The following FBXO30 variants were observed in gnomAD, a reference collection of about 807,000 sequenced individuals.
FBXO30 encodes F-box only protein 30.
FBXO30 carries 21 observed loss-of-function variants against 58.1 expected under a neutral mutation model. The observed-to-expected ratio is 0.36, with a 90% CI of 0.26 to 0.52. The LOEUF is 0.52. Among genes scored for constraint, FBXO30 ranks in the 20% least tolerant of loss-of-function variants. The probability of loss-of-function intolerance (pLI) is 0.93; values close to 1 mark genes in which losing one functional copy is unlikely to be tolerated. For synonymous variants in FBXO30, 309 were observed against 312.4 expected (o/e 0.99, Z 0.11); for missense variants, 744 against 897.3 (o/e 0.83, Z 2.18).
intron 1 of FBXO30, among the ~76,000 whole-genome samples, chr6:145,806,903 C>A (rs1778189395): frequency 6.6e-6 from 1 of 152,052 alleles, no homozygotes; most frequent in Admixed American, 6.5e-5. Context: ...TCTTAGAAGT[C>A]TTTTTTTATT....
In FBXO30 at chr6:145,804,894, T is replaced by C; in HGVS notation, c.1512A>G (p.Val504=). Residue 504 remains valine, a synonymous_variant, in exon 2 of 3, where the codon GTA becomes GTG. Transcript: ENST00000237281. ...SPFQTLGLDL[V]LECVARYQPK... Reference sequence around the variant, plus strand: ...GTTGGTACCTAGCGACACATTCCAATACTAAATCCAGCCCAAGTGTCTGAA... The same window carrying C: ...GTTGGTACCTAGCGACACATTCCAACACTAAATCCAGCCCAAGTGTCTGAA... 2 of 1,613,868 alleles carry C rather than the reference T, an allele frequency of 1.2e-6. No individual in the cohort carries two copies. Among genetic ancestry groups the C allele is most frequent in the Non-Finnish European group, 1.7e-6 (2 of 1,179,902 alleles).
intron 1 of FBXO30, among the ~76,000 whole-genome samples, chr6:145,812,978 G>T (rs572731158): frequency 1.3e-5 from 2 of 152,178 alleles, no homozygotes; most frequent in South Asian, 2.1e-4. Flanking sequence ...GCAGTCTTAG[G>T]AACTGAATTA....
chr6:145,800,831 C>G (rs1333853104), intron 2 of FBXO30, among the ~76,000 whole-genome samples: 2 of 152,176 alleles, frequency 1.3e-5, no homozygotes, highest in East Asian at 3.9e-4. Context: ...CCGCTGTTCA[C>G]AAGTACTAAA....
chr6:145,798,625 A>G lies in FBXO30; in HGVS notation c.*1481T>C, dbSNP rs1362705857. Reference sequence around the variant, plus strand: ...TTAAAATGACTGGTGAGGCAAAACAATTGATTAGTCTTTAATGCTCTGTTT... The same window carrying G: ...TTAAAATGACTGGTGAGGCAAAACAGTTGATTAGTCTTTAATGCTCTGTTT... On this transcript the variant is annotated 3_prime_UTR_variant, in exon 3 of 3. Coordinates refer to ENST00000237281, the MANE Select transcript of FBXO30 (RefSeq NM_032145.5). The G allele has an allele frequency of 6.6e-6, 1 of 152,492 alleles. No homozygotes were observed. The highest frequency in any genetic ancestry group is 1.9e-4 in the East Asian group (1 of 5,192). The allele number at this position is 152,492 out of a possible 1,614,324, so 9.4% of individuals were successfully genotyped here. A position where few individuals can be genotyped will look rare whatever the true frequency, so the allele number is the denominator to read the frequency against.
At position 145,795,408 on chromosome 6, in the gene FBXO30, C is replaced by T. The variant is rs1466585650; in HGVS notation, c.*4698G>A. ...CTAGCTACATATTGAAGAACCATTC[C>T]CTAGTATTTGCATGCAAATGGGTTA... On this transcript the variant is annotated 3_prime_UTR_variant, in exon 3 of 3. Coordinates refer to ENST00000237281, the MANE Select transcript of FBXO30 (RefSeq NM_032145.5). 1 of 151,730 alleles carries T rather than the reference C, an allele frequency of 6.6e-6. No homozygotes were observed. The highest frequency in any genetic ancestry group is 2.4e-5 in the African/African-American group (1 of 41,370). 9.4% of individuals were successfully genotyped at this position (151,730 alleles called of 1,614,324 possible). A position where few individuals can be genotyped will look rare whatever the true frequency, so the allele number is the denominator to read the frequency against.
rs914758314 is a variant in FBXO30, at chr6:145,795,871, A to G, written c.*4235T>C. 2 of 151,894 alleles carry G rather than the reference A, an allele frequency of 1.3e-5. No individual in the cohort carries two copies. Among genetic ancestry groups the G allele is most frequent in the Admixed American group, 6.6e-5 (1 of 15,224 alleles). The allele number at this position is 151,894 out of a possible 1,614,324, so 9.4% of individuals were successfully genotyped here. A position where few individuals can be genotyped will look rare whatever the true frequency, so the allele number is the denominator to read the frequency against. ...AAAAAGTTTAATCATAGATGCAATAACCTACTTGTAAAATTCAGCAAGAGG... is the reference window on the plus strand; with the variant it reads ...AAAAAGTTTAATCATAGATGCAATAGCCTACTTGTAAAATTCAGCAAGAGG... On this transcript the variant is annotated 3_prime_UTR_variant, in exon 3 of 3. Coordinates refer to ENST00000237281, the MANE Select transcript of FBXO30 (RefSeq NM_032145.5).
chr6:145,798,514 G>A lies in FBXO30; in HGVS notation c.*1592C>T. The A allele has an allele frequency of 6.6e-6, 1 of 152,498 alleles. No homozygotes were observed. The highest frequency in any genetic ancestry group is 2.1e-4 in the South Asian group (1 of 4,824). 9.4% of individuals were successfully genotyped at this position (152,498 alleles called of 1,614,324 possible). A position where few individuals can be genotyped will look rare whatever the true frequency, so the allele number is the denominator to read the frequency against. On this transcript the variant is annotated 3_prime_UTR_variant, in exon 3 of 3. Coordinates refer to ENST00000237281, the MANE Select transcript of FBXO30 (RefSeq NM_032145.5). ...TGGTATTTAATATCTCTTTTCTGTT[G>A]TTTTTTCCACAGAAATAGAGACTGT...
chr6:145,800,177 A>G lies in FBXO30; in HGVS notation c.2167T>C (p.Cys723Arg), dbSNP rs1777953218. Residue 723 changes from cysteine to arginine, a missense_variant, in exon 3 of 3, where the codon TGT becomes CGT. Cys to Arg is a radical substitution (Grantham distance 180). Around this residue, in one of 3 missense-constraint regions of FBXO30, gnomAD observed 334 missense variants for 433.7 expected, o/e 0.77. Coordinates refer to ENST00000237281, the MANE Select transcript of FBXO30 (RefSeq NM_032145.5). The part of the protein sequence containing the change: ...EKREEAIPLP[C>R]MCVTRELTKE... ...GTGAGTTCTCGTGTCACACACATAC[A>G]TGGCAAAGGGATTGCTTCCTCCCGT... 6.2e-7 allele frequency: 1 copy of G among 1,613,194 alleles called. No homozygotes were observed. Among genetic ancestry groups the G allele is most frequent in the Non-Finnish European group, 8.5e-7 (1 of 1,179,374 alleles).
chr6:145,800,363 A>G, intron 2 of FBXO30, 54 bp from the exon 3 acceptor site: 1 of 1,497,888 alleles, frequency 6.7e-7, no homozygotes, highest in Non-Finnish European at 9.2e-7. Context: ...GAGAATCAAA[A>G]CACACTTTTT....
intron 2 of FBXO30, among the ~76,000 whole-genome samples, chr6:145,803,492 C>G (rs1043518217): frequency 6.6e-6 from 1 of 152,022 alleles, no homozygotes; most frequent in African/African-American, 2.4e-5. Context: ...TGCTGTGCAA[C>G]TAAATGTAAA....
At chr6:145,801,039 G>C (rs1050887271) in intron 2 of FBXO30, among the ~76,000 whole-genome samples, 2 of 152,014 alleles carry the variant, frequency 1.3e-5, no homozygotes, top group South Asian at 4.1e-4. Flanking sequence ...CCACCCAACT[G>C]CTCTAAGCCC....
At chr6:145,806,771 CAG>C (rs1174408172) in intron 1 of FBXO30, among the ~76,000 whole-genome samples, 1 of 152,136 alleles carries the variant, frequency 6.6e-6, no homozygotes, top group African/African-American at 2.4e-5. Context: ...TTTTAGATTT[CAG>C]AGTGTTTTTC....
At chr6:145,812,966 A>C (rs975339449) in intron 1 of FBXO30, among the ~76,000 whole-genome samples, 3 of 152,192 alleles carry the variant, frequency 2.0e-5, no homozygotes, top group Non-Finnish European at 4.4e-5. Flanking sequence ...TCTATCAAAT[A>C]AGCAGTCTTA....
Position 145,806,124 on chromosome 6 carries a change from C to T in FBXO30, c.282G>A (p.Trp94Ter). 1 of 1,614,080 alleles carries T rather than the reference C, an allele frequency of 6.2e-7. No individual in the cohort carries two copies. The highest frequency in any genetic ancestry group is 1.3e-5 in the African/African-American group (1 of 75,004). ...PASVVCCTME[W>*]NRWPVSYADR... Reference sequence around the variant, plus strand: ...CTGCATAACTAACTGGCCATCGATTCCATTCCATAGTACAGCACACCACAC... The same window carrying T: ...CTGCATAACTAACTGGCCATCGATTTCATTCCATAGTACAGCACACCACAC... Residue 94 changes from tryptophan (W) to a stop codon, truncating the protein, a stop_gained, in exon 2 of 3, where the codon TGG becomes TGA. Transcript: ENST00000237281. LOFTEE classifies it high-confidence loss of function.
At chr6:145,803,514 T>C (rs1259223913) in intron 2 of FBXO30, among the ~76,000 whole-genome samples, 3 of 152,148 alleles carry the variant, frequency 2.0e-5, no homozygotes, top group African/African-American at 4.8e-5. Flanking sequence ...TTTATCACAA[T>C]TGTTTCCACT....
Position 145,805,310 on chromosome 6 carries a change from A to G in FBXO30, c.1096T>C (p.Cys366Arg), listed in dbSNP as rs767896439. The change falls in exon 2 of 3, where the codon TGT (cysteine) becomes CGT (arginine). Residue 366 changes from cysteine (C) to arginine (R), a missense_variant. Cys to Arg is a radical substitution (Grantham distance 180). Around this residue, in one of 3 missense-constraint regions of FBXO30, gnomAD observed 275 missense variants for 262.0 expected, o/e 1.05. Transcript: ENST00000237281. The part of the protein sequence containing the change: ...MPDDEGEGEL[C>R]WKKVDLGDVK... ...TCCCCTAAGTCTACTTTTTTCCAAC[A>G]CAATTCACCTTCACCTTCATCATCT... The G allele has an allele frequency of 3.7e-6, 6 of 1,614,090 alleles. No homozygotes were observed. In the Admixed American group the frequency reaches 1.0e-4, roughly 27 times the overall value.
Position 145,804,824 on chromosome 6 carries a change from T to G in FBXO30, c.1582A>C (p.Arg528=). Residue 528 remains arginine (R), a synonymous_variant, in exon 2 of 3, where the codon AGA becomes CGA. Coordinates refer to ENST00000237281, the MANE Select transcript of FBXO30 (RefSeq NM_032145.5). The part of the protein sequence containing the change: ...MFTFVCGQLF[R]RKEFSSHFKN... ...AAGTGGGAAGAAAATTCTTTCCTTCTAAATAACTGTCCACACACAAAGGTA... is the reference window on the plus strand; with the variant it reads ...AAGTGGGAAGAAAATTCTTTCCTTCGAAATAACTGTCCACACACAAAGGTA... 6.2e-7 allele frequency: 1 copy of G among 1,613,968 alleles called. No homozygotes were observed. The highest frequency in any genetic ancestry group is 8.5e-7 in the Non-Finnish European group (1 of 1,179,900).
chr6:145,814,119 A>T (rs1390874702), intron 1 of FBXO30, among the ~76,000 whole-genome samples: 1 of 152,184 alleles, frequency 6.6e-6, no homozygotes, highest in Non-Finnish European at 1.5e-5. Context: ...TGGCAAAGTT[A>T]CCAACTTTGC....
Position 145,805,311 on chromosome 6 carries a change from C to T in FBXO30, c.1095G>A (p.Leu365=). 1.2e-6 allele frequency: 2 copies of T among 1,614,086 alleles called. No individual in the cohort carries two copies. The highest frequency in any genetic ancestry group is 1.7e-6 in the Non-Finnish European group (2 of 1,179,968). ...LMPDDEGEGE[L]CWKKVDLGDV... The stretch of plus-strand genomic sequence containing the variant: ...CCCCTAAGTCTACTTTTTTCCAACA[C>T]AATTCACCTTCACCTTCATCATCTG... Residue 365 remains leucine (L), a synonymous_variant, in exon 2 of 3, where the codon TTG becomes TTA. Coordinates refer to ENST00000237281, the MANE Select transcript of FBXO30 (RefSeq NM_032145.5).
Sources: allele counts gnomAD v4.1 joint callset (sites outside exome capture counted in the v4.1 genomes callset), GRCh38; gene constraint gnomAD v4.1.1; regional missense constraint gnomAD v4.1.1; transcripts MANE v1.5; gene names NCBI Gene and HGNC (gene_info 2026-07-23, HGNC 2026-07-21).